RIPOR2: variants seen among roughly 807,000 people sequenced by gnomAD.
RIPOR2 encodes RHO family interacting cell polarization regulator 2, also known as rho family-interacting cell polarization regulator 2.
RIPOR2 carries 39 observed loss-of-function variants against 114.5 expected under a neutral mutation model. The observed-to-expected ratio is 0.34, with a 90% CI of 0.26 to 0.44. RIPOR2 has a LOEUF of 0.44. Ranked by LOEUF, RIPOR2 falls within the 20% of genes least tolerant of loss-of-function variation. The probability of loss-of-function intolerance (pLI) is 1.00; values close to 1 mark genes in which losing one functional copy is unlikely to be tolerated. For synonymous variants in RIPOR2, 445 were observed against 484.4 expected (o/e 0.92, Z 1.07); for missense variants, 1,007 against 1,255.1 (o/e 0.80, Z 2.99).
At chr6:24,971,255 A>G (rs1561816525) in intron 1 of RIPOR2, among the ~76,000 whole-genome samples, 1 of 152,240 alleles carries the variant, frequency 6.6e-6, no homozygotes, top group Non-Finnish European at 1.5e-5. Context: ...GCAGCCTGCC[A>G]TCATTGCCTT....
chr6:24,939,515 A>G (rs947361822), upstream of RIPOR2, among the ~76,000 whole-genome samples: 1 of 152,212 alleles, frequency 6.6e-6, no homozygotes. Context: ...TAAAGCAGAA[A>G]GGAGAAGGGC....
At chr6:24,970,297 C>T (rs897059031) in intron 1 of RIPOR2, among the ~76,000 whole-genome samples, 1 of 152,174 alleles carries the variant, frequency 6.6e-6, no homozygotes, top group Non-Finnish European at 1.5e-5. Context: ...CAATAAGCCT[C>T]TATACCACCC....
chr6:24,861,029 C>T lies in RIPOR2; in HGVS notation c.659G>A (p.Cys220Tyr). 2 of 1,608,896 alleles carry T rather than the reference C, an allele frequency of 1.2e-6. No individual in the cohort carries two copies. The highest frequency in any genetic ancestry group is 1.7e-6 in the Non-Finnish European group (2 of 1,176,196). ...RSFKEYTENMCTIEVELENLL... is the reference protein window; with the variant it reads ...RSFKEYTENMYTIEVELENLL... ...ATTCTCTAGCTCCACTTCAATGGTG[C>T]ACATATTCTGCAAAGAGGACAGGAG... The change falls in exon 8 of 22, where the codon TGC becomes TAC. Residue 220 changes from cysteine (C) to tyrosine (Y), a missense_variant. By Grantham distance (194) the Cys-to-Tyr change is radical. Coordinates refer to ENST00000643898, the MANE Select transcript of RIPOR2 (RefSeq NM_001286445.3).
chr6:24,987,061 G>A (rs1774562360), intron 1 of RIPOR2, among the ~76,000 whole-genome samples: 1 of 152,304 alleles, frequency 6.6e-6, no homozygotes, highest in Non-Finnish European at 1.5e-5. Context: ...GATAGAAGTA[G>A]AATCAACAGG....
At chr6:24,997,674 C>T (rs1004978675) in intron 1 of RIPOR2, among the ~76,000 whole-genome samples, 1 of 152,168 alleles carries the variant, frequency 6.6e-6, no homozygotes, top group Admixed American at 6.5e-5. Flanking sequence ...TCCAACATGT[C>T]CAAATGTTCC....
At chr6:24,998,612 C>T (rs1034903479) in intron 1 of RIPOR2, among the ~76,000 whole-genome samples, 1 of 152,156 alleles carries the variant, frequency 6.6e-6, no homozygotes, top group Admixed American at 6.5e-5. Context: ...ATACAAAATG[C>T]AAACTGCTTA....
At chr6:24,941,632 T>A (rs1772138547) in intron 1 of RIPOR2, among the ~76,000 whole-genome samples, 1 of 152,166 alleles carries the variant, frequency 6.6e-6, no homozygotes, top group South Asian at 2.1e-4. Context: ...CAGTCCCTAG[T>A]CCCTGGCCTT....
At chr6:25,017,567 G>A (rs76259803) in intron 1 of RIPOR2, among the ~76,000 whole-genome samples, 1,959 of 152,196 alleles carry the variant, frequency 0.013, 23 homozygotes, top group Non-Finnish European at 0.022. Flanking sequence ...AAGTCCTTCC[G>A]GCCCTCTGGT....
intron 20 of RIPOR2, among the ~76,000 whole-genome samples, chr6:24,818,282 T>C (rs1562214585): frequency 6.6e-6 from 1 of 152,150 alleles, no homozygotes; most frequent in Non-Finnish European, 1.5e-5. Flanking sequence ...ACTTTTCTAA[T>C]ACTGACCTAA....
chr6:24,845,341 T>A (rs533671899), intron 12 of RIPOR2, among the ~76,000 whole-genome samples: 79 of 152,076 alleles, frequency 5.2e-4, no homozygotes, highest in Non-Finnish European at 1.1e-3. Context: ...ATAAAAGGAA[T>A]CTTTTAGGGG....
At chr6:24,918,076 C>T (rs951602478) in intron 1 of RIPOR2, among the ~76,000 whole-genome samples, 3 of 152,168 alleles carry the variant, frequency 2.0e-5, no homozygotes, top group African/African-American at 4.8e-5. Context: ...CGTCAGTGGC[C>T]GCCCTGTGAT....
intron 1 of RIPOR2, among the ~76,000 whole-genome samples, chr6:25,023,082 C>T (rs191288487): frequency 8.6e-5 from 13 of 151,962 alleles, no homozygotes; most frequent in Middle Eastern, 3.4e-3. Context: ...TTAATGACGA[C>T]GTTTGCAGGC....
rs1437656896 is a variant in RIPOR2 at position 25,037,002 on chromosome 6, G to A, written c.76+4849C>T. Among the ~76,000 whole-genome samples, 1 of 152,136 alleles carries A rather than the reference G, an allele frequency of 6.6e-6. No homozygotes were observed. Among genetic ancestry groups the A allele is most frequent in the African/African-American group, 2.4e-5 (1 of 41,414 alleles). On this transcript the variant is annotated intron_variant, in intron 1 of 13. Coordinates refer to the RIPOR2 transcript ENST00000510784. This position sits in a 1 kb window ranked among gnomAD's most constrained non-coding sequence, Gnocchi z 4.5. ...GGGAAAAAATGTGGAGGTGGCAATG[G>A]TAAGCCCTTCATACTGCCTCAAATG...
At chr6:24,860,869 C>A (rs112710788) in intron 8 of RIPOR2, 104 bp downstream of exon 8, 4 of 720,702 alleles carry the variant, frequency 5.6e-6, no homozygotes, top group South Asian at 1.8e-5. Flanking sequence ...GGTGGCGCTG[C>A]GTCTTTGCAA....
In RIPOR2 at chr6:24,843,032, G is replaced by C. The variant is rs766635436; in HGVS notation, c.1687C>G (p.Leu563Val). 1 of 1,609,694 alleles carries C rather than the reference G, an allele frequency of 6.2e-7. No individual in the cohort carries two copies. The highest frequency in any genetic ancestry group is 8.5e-7 in the Non-Finnish European group (1 of 1,176,740). The change falls in exon 13 of 22, where the codon CTC becomes GTC. Residue 563 changes from leucine (L) to valine (V), a missense_variant. Coordinates refer to ENST00000643898, the MANE Select transcript of RIPOR2 (RefSeq NM_001286445.3). ...AEVPMATDRL[L>V]SEGSVGGESE... ...TCTCCACCAACAGAACCCTCAGAGA[G>C]CAGCCTGTCTGTGGCCATTGGCACC...
intron 1 of RIPOR2, among the ~76,000 whole-genome samples, chr6:25,017,671 C>T (rs769513648): frequency 7.2e-5 from 11 of 152,154 alleles, no homozygotes; most frequent in Admixed American, 2.0e-4. Context: ...AAGTGGTAAA[C>T]GCCCAGAGGG....
chr6:25,012,108 A>G (rs1775796941), intron 1 of RIPOR2, among the ~76,000 whole-genome samples: 1 of 152,244 alleles, frequency 6.6e-6, no homozygotes, highest in Admixed American at 6.5e-5. Flanking sequence ...AGATATGCAA[A>G]TGGCTAATAA....
chr6:25,028,313 C>T (rs1776724772), intron 1 of RIPOR2, among the ~76,000 whole-genome samples: 1 of 152,050 alleles, frequency 6.6e-6, no homozygotes, highest in Non-Finnish European at 1.5e-5. Context: ...TGGTAGGGTG[C>T]ATTTTCTGAA....
intron 1 of RIPOR2, among the ~76,000 whole-genome samples, chr6:24,986,894 C>T (rs533123409): frequency 8.0e-5 from 12 of 150,714 alleles, no homozygotes; most frequent in South Asian, 2.1e-4. Flanking sequence ...ATAAAATACA[C>T]GAACACTAAT....
Sources: gnomAD v4.1 joint callset for allele counts (sites outside exome capture counted in the v4.1 genomes callset) on GRCh38, gnomAD v4.1.1 for gene constraint, Gnocchi (gnomAD v3.1) non-coding constraint, MANE v1.5 for transcripts, NCBI Gene and HGNC (gene_info 2026-07-23, HGNC 2026-07-21) for gene names.